The following KCNH5 variants were observed in gnomAD, a reference collection of about 807,000 sequenced individuals.
KCNH5 encodes the protein potassium voltage-gated channel subfamily H member 5, also known as voltage-gated delayed rectifier potassium channel KCNH5.
KCNH5 carries 46 observed loss-of-function variants against 96.1 expected under a neutral mutation model. The ratio of observed to expected loss-of-function variants is 0.48; its 90% CI spans 0.38 to 0.61. The LOEUF (loss-of-function observed/expected upper bound fraction) is 0.61. Ranked by LOEUF, KCNH5 falls within the 20% of genes least tolerant of loss-of-function variation. The probability of loss-of-function intolerance (pLI) is 0.00; values close to 1 mark genes in which losing one functional copy is unlikely to be tolerated. For missense variants in KCNH5, 907 were observed against 1,225.8 expected (o/e 0.74, Z 3.88); for synonymous variants, 439 against 449.8 (o/e 0.98, Z 0.30).
intron 10 of KCNH5, among the ~76,000 whole-genome samples, chr14:62,720,456 C>G (rs1239046028): frequency 6.6e-6 from 1 of 152,140 alleles, no homozygotes; most frequent in African/African-American, 2.4e-5. Context: ...GTGGCGGACA[C>G]CTGTAAGTCC....
intron 7 of KCNH5, among the ~76,000 whole-genome samples, chr14:62,898,705 A>G (rs1046473667): frequency 3.9e-5 from 6 of 152,216 alleles, no homozygotes; most frequent in African/African-American, 1.4e-4. Flanking sequence ...TTAATAGCAG[A>G]CAAAATGTTC....
chr14:62,779,942 A>G lies in KCNH5; in HGVS notation c.1823-18T>C. The G allele has an allele frequency of 6.3e-7, 1 of 1,593,168 alleles. No homozygotes were observed. Among genetic ancestry groups the G allele is most frequent in the Non-Finnish European group, 8.6e-7 (1 of 1,166,826 alleles). On this transcript the variant is annotated intron_variant, in intron 9 of 10. Coordinates refer to ENST00000322893, the MANE Select transcript of KCNH5 (RefSeq NM_139318.5). ...ACCCTTCCCTAGAAAACAGTATAAG[A>G]TACATATTCAAGTATCTAACACTGT...
At chr14:62,943,452 T>G (rs1197260399) in intron 7 of KCNH5, among the ~76,000 whole-genome samples, 1 of 152,100 alleles carries the variant, frequency 6.6e-6, no homozygotes, top group Non-Finnish European at 1.5e-5. Context: ...AATCTAATAT[T>G]ATTAGGGGCT....
intron 8 of KCNH5, among the ~76,000 whole-genome samples, chr14:62,831,789 G>A (rs563364959): frequency 6.5e-4 from 99 of 152,280 alleles, no homozygotes; most frequent in African/African-American, 2.3e-3. Flanking sequence ...GCTTCCTGCA[G>A]CCTCAACCTC....
intron 10 of KCNH5, among the ~76,000 whole-genome samples, chr14:62,738,996 G>A (rs1283686206): frequency 6.6e-6 from 1 of 152,054 alleles, no homozygotes; most frequent in African/African-American, 2.4e-5. Context: ...GAGGATGTAA[G>A]GGCATTCCAG....
chr14:62,796,806 G>A (rs1479668555), intron 9 of KCNH5, among the ~76,000 whole-genome samples: 5 of 152,168 alleles, frequency 3.3e-5, no homozygotes, highest in African/African-American at 1.2e-4. Flanking sequence ...TATGTAAGAA[G>A]TACATTGGTT....
Position 62,844,404 on chromosome 14 carries a change from C to A in KCNH5, c.1569+5249G>T, listed in dbSNP as rs537421396. ...AAAAAGCTGAAAATAAAGTCCCCAG[C>A]CATTTACTTCATTTGAATTATTTCC... On this transcript the variant is annotated intron_variant, in intron 8 of 10. Transcript: ENST00000322893. 8.5e-5 allele frequency among the ~76,000 whole-genome samples: 13 copies of A among 152,200 alleles called. No individual in the cohort carries two copies. The South Asian group carries it at 2.7e-3, about 32-fold the overall frequency.
intron 7 of KCNH5, among the ~76,000 whole-genome samples, chr14:62,938,391 T>C (rs1051429547): frequency 2.0e-5 from 3 of 152,144 alleles, no homozygotes; most frequent in Non-Finnish European, 4.4e-5. Flanking sequence ...TCACAACATA[T>C]GAAAATATTA....
At chr14:62,781,104 A>G (rs1886202309) in intron 9 of KCNH5, among the ~76,000 whole-genome samples, 2 of 152,168 alleles carry the variant, frequency 1.3e-5, no homozygotes, top group South Asian at 4.1e-4. Context: ...CTTGAGAAAT[A>G]AAGGGACAGA....
chr14:62,838,812 T>C (rs903757938), intron 8 of KCNH5, among the ~76,000 whole-genome samples: 3 of 152,166 alleles, frequency 2.0e-5, no homozygotes, highest in African/African-American at 7.2e-5. Flanking sequence ...AATTATAGTA[T>C]ACATGTGTTG....
chr14:62,866,072 T>G (rs1888129208), intron 7 of KCNH5, among the ~76,000 whole-genome samples: 1 of 152,234 alleles, frequency 6.6e-6, no homozygotes. Context: ...GCAGAATATA[T>G]TACTCTACTT....
At chr14:62,954,681 C>T (rs1890067819) in intron 6 of KCNH5, among the ~76,000 whole-genome samples, 1 of 152,126 alleles carries the variant, frequency 6.6e-6, no homozygotes, top group South Asian at 2.1e-4. Flanking sequence ...AGGTGTATTA[C>T]TCCATTTTCA....
intron 7 of KCNH5, among the ~76,000 whole-genome samples, chr14:62,872,640 C>T (rs1244644476): frequency 1.3e-5 from 2 of 152,140 alleles, no homozygotes; most frequent in Admixed American, 1.3e-4. Context: ...TTGCAGTGAG[C>T]AGATACCATG....
chr14:62,858,381 CATGGTA>C (rs1566684474), intron 7 of KCNH5, among the ~76,000 whole-genome samples: 2 of 152,196 alleles, frequency 1.3e-5, no homozygotes, highest in South Asian at 4.1e-4. Context: ...AATCACAGGG[CATGGTA>C]ATACTAAGAG....
intron 10 of KCNH5, among the ~76,000 whole-genome samples, chr14:62,759,284 A>G (rs891670301): frequency 2.6e-5 from 4 of 152,170 alleles, no homozygotes; most frequent in African/African-American, 9.7e-5. Flanking sequence ...GAATAGTCCC[A>G]CTGTCTGAAA....
chr14:62,785,460 T>C (rs1240360952), intron 9 of KCNH5, among the ~76,000 whole-genome samples: 1 of 152,156 alleles, frequency 6.6e-6, no homozygotes, highest in Non-Finnish European at 1.5e-5. Context: ...TACAGAACAT[T>C]TGATGCTGGT....
intron 7 of KCNH5, among the ~76,000 whole-genome samples, chr14:62,850,206 C>T (rs1887777790): frequency 6.6e-6 from 1 of 152,130 alleles, no homozygotes; most frequent in Non-Finnish European, 1.5e-5. Context: ...TAAAGTTATC[C>T]TCCACTTTGT....
chr14:62,822,746 C>A (rs1283377454), intron 8 of KCNH5, among the ~76,000 whole-genome samples: 1 of 150,994 alleles, frequency 6.6e-6, no homozygotes, highest in Non-Finnish European at 1.5e-5. Flanking sequence ...ACCTTGACAC[C>A]AAATGTACAA....
chr14:62,993,300 T>C (rs553518268), intron 4 of KCNH5, among the ~76,000 whole-genome samples: 1 of 152,022 alleles, frequency 6.6e-6, no homozygotes, highest in South Asian at 2.1e-4. Flanking sequence ...CTATTTGGGG[T>C]TTTTTTAGTT....
Sources: gnomAD v4.1 joint callset for allele counts (sites outside exome capture counted in the v4.1 genomes callset) on GRCh38, gnomAD v4.1.1 for gene constraint, MANE v1.5 for transcripts, NCBI Gene and HGNC (gene_info 2026-07-23, HGNC 2026-07-21) for gene names.